PIP4K2C: variants seen among roughly 807,000 people sequenced by gnomAD.
The protein encoded by PIP4K2C is phosphatidylinositol 5-phosphate 4-kinase type-2 gamma.
In PIP4K2C, 21 loss-of-function variants were observed where a neutral mutation model predicts 45.0. That is an observed-to-expected ratio of 0.47 (90% confidence interval 0.33 to 0.67). The LOEUF is 0.67. Among genes scored for constraint, PIP4K2C ranks in the 30% least tolerant of loss-of-function variants. PIP4K2C has a pLI of 0.02. For synonymous variants in PIP4K2C, 201 were observed against 204.8 expected (o/e 0.98, Z 0.16); for missense variants, 456 against 542.8 (o/e 0.84, Z 1.59).
chr12:57,598,761 A>G (rs1349083676), intron 4 of PIP4K2C, among the ~76,000 whole-genome samples: 4 of 152,186 alleles, frequency 2.6e-5, no homozygotes, highest in African/African-American at 9.7e-5. Context: ...GCATATAGAA[A>G]GGGTCTAAAA....
intron 6 of PIP4K2C, 107 bp from the exon 7 acceptor site, chr12:57,600,217 G>A: frequency 3.1e-6 from 2 of 639,520 alleles, no homozygotes; most frequent in Non-Finnish European, 5.5e-6. Flanking sequence ...ACAGTGTGGA[G>A]TTAGATGAGA....
chr12:57,601,556 G>C lies in PIP4K2C; in HGVS notation c.1216G>C (p.Glu406Gln). The C allele has an allele frequency of 6.2e-7, 1 of 1,613,580 alleles. No homozygotes were observed. The highest frequency in any genetic ancestry group is 8.5e-7 in the Non-Finnish European group (1 of 1,179,536). ...GGCAGAGATCTCTACTGTCCATCCG[G>C]AGCAGTATGCTAAGCGATTCCTGGA... Reference protein sequence around the residue: ...AGAEISTVHPEQYAKRFLDFI... With the variant: ...AGAEISTVHPQQYAKRFLDFI... The change falls in exon 10 of 10, where the codon GAG (glutamate) becomes CAG (glutamine). Residue 406 changes from glutamate (E) to glutamine (Q), a missense_variant. Glu to Gln is a conservative substitution (Grantham distance 29). Coordinates refer to ENST00000354947, the MANE Select transcript of PIP4K2C (RefSeq NM_024779.5).
Position 57,601,297 on chromosome 12 carries a change from G to A in PIP4K2C, c.1134G>A (p.Gln378=). The change falls in exon 9 of 10, where the codon CAG becomes CAA. Residue 378 remains glutamine, a synonymous_variant. Coordinates refer to ENST00000354947, the MANE Select transcript of PIP4K2C (RefSeq NM_024779.5). ...YFMGLIDILT[Q]YDAKKKAAHA... ...TGGGCCTCATTGATATCCTTACACA[G>A]TATGATGCTAAGAAGAAAGCAGCTC... is the stretch of plus-strand genomic sequence containing the variant. 6.2e-7 allele frequency: 1 copy of A among 1,614,126 alleles called. No individual in the cohort carries two copies. Among genetic ancestry groups the A allele is most frequent in the Non-Finnish European group, 8.5e-7 (1 of 1,179,986 alleles).
chr12:57,600,668 A>G, intron 7 of PIP4K2C, 143 bp from the exon 8 acceptor site: 1 of 1,037,514 alleles, frequency 9.6e-7, no homozygotes, highest in Non-Finnish European at 1.4e-6. Context: ...TATAGGCACT[A>G]AAGGCAGTGG....
intron 1 of PIP4K2C, among the ~76,000 whole-genome samples, chr12:57,591,822 T>G (rs1449900290): frequency 6.6e-6 from 1 of 151,992 alleles, no homozygotes; most frequent in Non-Finnish European, 1.5e-5. Flanking sequence ...CTCGGGTGGT[T>G]GTTGGTGAGA....
intron 1 of PIP4K2C, among the ~76,000 whole-genome samples, chr12:57,592,732 A>G (rs1883015969): frequency 6.6e-6 from 1 of 151,956 alleles, no homozygotes; most frequent in Non-Finnish European, 1.5e-5. Context: ...AGGTATATAT[A>G]CTTTAGCCCC....
At chr12:57,593,983 A>C (rs774635174) in intron 1 of PIP4K2C, 42 bp from the exon 2 acceptor site, 7 of 1,515,252 alleles carry the variant, frequency 4.6e-6, no homozygotes, top group Non-Finnish European at 6.4e-6. Flanking sequence ...AGCTCTCCAC[A>C]CCCTTCTTCA....
At chr12:57,596,088 A>T in intron 4 of PIP4K2C, 57 bp downstream of exon 4, 1 of 1,554,254 alleles carries the variant, frequency 6.4e-7, no homozygotes, top group South Asian at 1.1e-5. Context: ...CATATAGCTC[A>T]GCTATTGTCA....
At position 57,595,904 on chromosome 12, in the gene PIP4K2C, A is replaced by AC. The variant is rs750999963; in HGVS notation, c.393dup (p.Ser132GlnfsTer4). On this transcript the variant is annotated frameshift_variant, in exon 4 of 10. Coordinates refer to ENST00000354947, the MANE Select transcript of PIP4K2C (RefSeq NM_024779.5). LOFTEE classifies it high-confidence loss of function. ...TGTCCCCAGGTGTCCCTTACCCGAA[A>AC]CCCCCCCAGCGAAAGTGAAGGCAGT... is the stretch of plus-strand genomic sequence containing the variant. The AC allele has an allele frequency of 6.8e-6, 11 of 1,612,798 alleles. No homozygotes were observed. Among genetic ancestry groups the AC allele is most frequent in the South Asian group, 3.3e-5 (3 of 90,996 alleles).
intron 1 of PIP4K2C, 115 bp from the exon 2 acceptor site, chr12:57,593,910 T>C: frequency 1.5e-6 from 1 of 651,630 alleles, no homozygotes; most frequent in Non-Finnish European, 2.6e-6. Context: ...ATAGCCAGTG[T>C]TTTTAAAGGA....
rs770601407 is a variant in PIP4K2C at position 57,599,152 on chromosome 12, C to T, written c.601C>T (p.Leu201Phe). ...VSVDNEDSYM[L>F]VMRNMFSHRL... ...TGTGGACAACGAAGACAGCTACATG[C>T]TTGTGATGCGCAATATGTTTAGCCA... The change falls in exon 5 of 10, where the codon CTT (leucine) becomes TTT (phenylalanine). Residue 201 changes from leucine to phenylalanine, a missense_variant. Coordinates refer to ENST00000354947, the MANE Select transcript of PIP4K2C (RefSeq NM_024779.5). 2.5e-6 allele frequency: 4 copies of T among 1,614,232 alleles called. No homozygotes were observed. Among genetic ancestry groups the T allele is most frequent in the Admixed American group, 3.3e-5 (2 of 60,030 alleles).
chr12:57,599,327 C>T (rs1883327574), intron 5 of PIP4K2C, 73 bp from the exon 6 acceptor site: 2 of 1,607,314 alleles, frequency 1.2e-6, no homozygotes, highest in Non-Finnish European at 1.7e-6. Context: ...GGTTTGAGTA[C>T]TCATCTTAGG....
At chr12:57,598,330 G>T (rs1281197910) in intron 4 of PIP4K2C, among the ~76,000 whole-genome samples, 2 of 152,050 alleles carry the variant, frequency 1.3e-5, no homozygotes, top group Non-Finnish European at 2.9e-5. Flanking sequence ...AGACCAGCCT[G>T]GGTAACACAG....
In PIP4K2C at chr12:57,596,389, G is replaced by A. The variant is rs1048113593; in HGVS notation, c.513+358G>A. Reference sequence around the variant, plus strand: ...AATCCCAGCTGCTCAGGAGGCTAACGCAGGAGAATCACTTGAACCCGGGAA... The same window carrying A: ...AATCCCAGCTGCTCAGGAGGCTAACACAGGAGAATCACTTGAACCCGGGAA... On this transcript the variant is annotated intron_variant, in intron 4 of 9. Transcript: ENST00000354947. Among the ~76,000 whole-genome samples the A allele has an allele frequency of 3.3e-5, 5 of 151,776 alleles. No individual in the cohort carries two copies. The South Asian group carries it at 8.3e-4, about 25-fold the overall frequency.
At position 57,596,045 on chromosome 12, in the gene PIP4K2C, C is replaced by T; in HGVS notation, c.513+14C>T. 1 of 1,611,372 alleles carries T rather than the reference C, an allele frequency of 6.2e-7. No homozygotes were observed. The highest frequency in any genetic ancestry group is 8.5e-7 in the Non-Finnish European group (1 of 1,177,516). On this transcript the variant is annotated intron_variant, in intron 4 of 9. Transcript: ENST00000354947. ...AACTATCACCAGGTCAGGCCTCTCTCTAGCCCCATTCTTTCCCTCTCCTCC... is the reference window on the plus strand; with the variant it reads ...AACTATCACCAGGTCAGGCCTCTCTTTAGCCCCATTCTTTCCCTCTCCTCC...
Position 57,601,757 on chromosome 12 carries a change from T to C in PIP4K2C, c.*151T>C. 1.5e-6 allele frequency: 1 copy of C among 682,292 alleles called. No homozygotes were observed. The highest frequency in any genetic ancestry group is 2.6e-6 in the Non-Finnish European group (1 of 384,646). The allele number at this position is 682,292 out of a possible 1,614,324, so 42.3% of individuals were successfully genotyped here. ...ATCCAGATAACTCCATCCTGTCGAG[T>C]AGGCTCTTTCTGACCCTCAGAAATA... is the stretch of plus-strand genomic sequence containing the variant. On this transcript the variant is annotated 3_prime_UTR_variant, in exon 10 of 10. Coordinates refer to ENST00000354947, the MANE Select transcript of PIP4K2C (RefSeq NM_024779.5).
Position 57,594,025 on chromosome 12 carries a change from A to G in PIP4K2C, c.175A>G (p.Ile59Val), listed in dbSNP as rs780022995. ...CCCTATTCATGGTTTGGCTTATCAG[A>G]TCAATGAGCTCAGCCAGGTGCCTCC... ...GVFLWGVAHS[I>V]NELSQVPPPV... The change falls in exon 2 of 10, where the codon ATC (isoleucine) becomes GTC (valine). Residue 59 changes from isoleucine to valine, a missense_variant and splice_region_variant. By Grantham distance (29) the Ile-to-Val change is conservative (BLOSUM62 3). Coordinates refer to ENST00000354947, the MANE Select transcript of PIP4K2C (RefSeq NM_024779.5). 34 of 1,613,624 alleles carry G rather than the reference A, an allele frequency of 2.1e-5. No homozygotes were observed. Among genetic ancestry groups the G allele is most frequent in the Middle Eastern group, 3.3e-4 (2 of 6,062 alleles).
Position 57,591,350 on chromosome 12 carries a change from G to T in PIP4K2C, c.61G>T (p.Gly21Cys), listed in dbSNP as rs1186631565. Residue 21 changes from glycine (G) to cysteine (C), a missense_variant, in exon 1 of 10, where the codon GGT becomes TGT. Transcript: ENST00000354947. The part of the protein sequence containing the change: ...VSAATAGPGP[G>C]FGFASKTKKK... The stretch of plus-strand genomic sequence containing the variant: ...GGCGGCGACAGCAGGCCCCGGCCCA[G>T]GTTTCGGCTTCGCCTCCAAGACCAA... 6.2e-7 allele frequency: 1 copy of T among 1,613,706 alleles called. No individual in the cohort carries two copies. The highest frequency in any genetic ancestry group is 1.7e-5 in the Admixed American group (1 of 60,016).
Position 57,591,260 on chromosome 12 carries a change from G to A in PIP4K2C, c.-30G>A, listed in dbSNP as rs1444114241. 26 of 1,579,654 alleles carry A rather than the reference G, an allele frequency of 1.6e-5. No homozygotes were observed. Among genetic ancestry groups the A allele is most frequent in the Non-Finnish European group, 2.2e-5 (25 of 1,158,112 alleles). The stretch of plus-strand genomic sequence containing the variant: ...GGCGCCTGGATAGCTGCCGGCTCCG[G>A]CTTCCACTTGGTCGGTTGCGCGGGA... On this transcript the variant is annotated 5_prime_UTR_variant, in exon 1 of 10. Coordinates refer to ENST00000354947, the MANE Select transcript of PIP4K2C (RefSeq NM_024779.5).
Sources: allele counts gnomAD v4.1 joint callset (sites outside exome capture counted in the v4.1 genomes callset), GRCh38; gene constraint gnomAD v4.1.1; transcripts MANE v1.5; gene names NCBI Gene and HGNC (gene_info 2026-07-23, HGNC 2026-07-21).